ITGA9: variants seen among roughly 807,000 people sequenced by gnomAD.
ITGA9 encodes the protein integrin subunit alpha 9.
ITGA9 carries 56 observed loss-of-function variants against 127.8 expected under a neutral mutation model. That is an observed-to-expected ratio of 0.44 (90% CI 0.35 to 0.55). The LOEUF (loss-of-function observed/expected upper bound fraction) is 0.55, where lower values mean the gene tolerates loss of function less well. Ranked by LOEUF, ITGA9 falls within the 20% of genes least tolerant of loss-of-function variation. The pLI is 0.00. For synonymous variants in ITGA9, 508 were observed against 514.5 expected, an observed-to-expected ratio of 0.99 and a Z score of 0.17; for missense variants, 1,196 against 1,347.1, an observed-to-expected ratio of 0.89 and a Z score of 1.76.
chr3:37,587,928 C>T (rs921531161), intron 15 of ITGA9, among the ~76,000 whole-genome samples: 3 of 152,188 alleles, frequency 2.0e-5, no homozygotes, highest in Admixed American at 6.5e-5. Flanking sequence ...ACGTTAGCAT[C>T]CAGAGTGGCA....
At position 37,481,389 on chromosome 3, in the gene ITGA9, C is replaced by G. The variant is rs557904714; in HGVS notation, c.421-95C>G. On this transcript the variant is annotated intron_variant, in intron 3 of 27. Transcript: ENST00000264741. The stretch of plus-strand genomic sequence containing the variant: ...TTTCTGGTCCCTCTGCTCCTCTCTT[C>G]TCCCACAGAAAGAAACATCTGGCAC... 22 of 1,526,664 alleles carry G rather than the reference C, an allele frequency of 1.4e-5. No individual in the cohort carries two copies. The African/African-American group carries it at 2.9e-4, about 20-fold the overall frequency. 94.6% of individuals were successfully genotyped at this position (1,526,664 alleles called of 1,614,324 possible). A position where few individuals can be genotyped will look rare whatever the true frequency, so the allele number is the denominator to read the frequency against.
intron 8 of ITGA9, among the ~76,000 whole-genome samples, chr3:37,512,028 C>CT (rs1163367482): frequency 5.8e-4 from 14 of 24,270 alleles, no homozygotes; most frequent in Admixed American, 1.6e-3. Context: ...CTTTTCTTTT[C>CT]TTTCTTTCTT....
intron 1 of ITGA9, among the ~76,000 whole-genome samples, chr3:37,469,844 G>A (rs1559513866): frequency 6.6e-6 from 1 of 152,128 alleles, no homozygotes; most frequent in Admixed American, 6.5e-5. Context: ...TGCCCAGACT[G>A]GAGTGCAGTG....
chr3:37,678,319 A>G (rs576012435), intron 17 of ITGA9, among the ~76,000 whole-genome samples: 10 of 152,332 alleles, frequency 6.6e-5, no homozygotes, highest in African/African-American at 2.4e-4. Context: ...ATTTCTCCAC[A>G]TTCTTGACAA....
intron 15 of ITGA9, among the ~76,000 whole-genome samples, chr3:37,612,577 G>C (rs1476934485): frequency 1.3e-5 from 2 of 152,280 alleles, no homozygotes; most frequent in East Asian, 3.9e-4. Flanking sequence ...TCAGTTAGAG[G>C]TTAATAAAAA....
At chr3:37,734,538 G>A (rs986751620) in intron 19 of ITGA9, among the ~76,000 whole-genome samples, 9 of 152,196 alleles carry the variant, frequency 5.9e-5, no homozygotes, top group African/African-American at 1.9e-4. Context: ...CGCCCAGGCT[G>A]GAGTGCAGTG....
chr3:37,635,255 A>G (rs185303482), intron 16 of ITGA9, among the ~76,000 whole-genome samples: 50 of 152,340 alleles, frequency 3.3e-4, no homozygotes, highest in Admixed American at 3.0e-3. Flanking sequence ...ATGAACCATA[A>G]TAAAATTAGC....
rs1575252013 is a variant in ITGA9, at chr3:37,815,986, A to C, written c.3010-2905A>C. On this transcript the variant is annotated intron_variant, in intron 27 of 27. Transcript: ENST00000264741. ...TGTGGAAGCAGGGCAGGGTTCTGAG[A>C]AAGTAATTGGAAGTGTGCACAGCCC... Among the ~76,000 whole-genome samples the C allele has an allele frequency of 4.6e-5, 7 of 152,222 alleles. No individual in the cohort carries two copies. The South Asian group carries it at 8.3e-4, about 18-fold the overall frequency.
At chr3:37,666,609 G>C (rs920284711) in intron 17 of ITGA9, among the ~76,000 whole-genome samples, 3 of 152,180 alleles carry the variant, frequency 2.0e-5, no homozygotes, top group Admixed American at 1.3e-4. Flanking sequence ...TTACAGTGTG[G>C]CCAGGGCCCA....
chr3:37,471,693 C>T (rs1698432766), intron 2 of ITGA9, among the ~76,000 whole-genome samples: 1 of 152,138 alleles, frequency 6.6e-6, no homozygotes, highest in African/African-American at 2.4e-5. Flanking sequence ...AGTGGGGAGG[C>T]CACTGAAATC....
intron 17 of ITGA9, among the ~76,000 whole-genome samples, chr3:37,668,996 C>T (rs1317478128): frequency 2.6e-5 from 4 of 152,048 alleles, no homozygotes; most frequent in Non-Finnish European, 5.9e-5. Context: ...TCCAGAGCCA[C>T]GTGTGAGACT....
intron 23 of ITGA9, among the ~76,000 whole-genome samples, chr3:37,765,930 G>A (rs1696775084): frequency 6.6e-6 from 1 of 152,230 alleles, no homozygotes; most frequent in Non-Finnish European, 1.5e-5. Context: ...CAGCATGTAG[G>A]CTAGTTGAAT....
intron 17 of ITGA9, among the ~76,000 whole-genome samples, chr3:37,682,896 C>T (rs1348711924): frequency 6.6e-6 from 1 of 152,196 alleles, no homozygotes; most frequent in Admixed American, 6.5e-5. Flanking sequence ...CGTTCATCTT[C>T]TCACACCTGG....
At position 37,819,045 on chromosome 3, in the gene ITGA9, T is replaced by C. The variant is rs1697478766; in HGVS notation, c.*56T>C. On this transcript the variant is annotated 3_prime_UTR_variant, in exon 28 of 28. Coordinates refer to ENST00000264741, the MANE Select transcript of ITGA9 (RefSeq NM_002207.3). The stretch of plus-strand genomic sequence containing the variant: ...TAGCCTGTCATCCTTGGTCTTTGTA[T>C]CTTCCATATTTGGAAGAAAAAAATC... The C allele has an allele frequency of 1.6e-6, 2 of 1,270,248 alleles. No homozygotes were observed. Among genetic ancestry groups the C allele is most frequent in the East Asian group, 2.3e-5 (1 of 43,168 alleles). The allele number at this position is 1,270,248 out of a possible 1,614,324, so 78.7% of individuals were successfully genotyped here.
chr3:37,504,433 C>T (rs1051403374), intron 6 of ITGA9, among the ~76,000 whole-genome samples: 20 of 151,014 alleles, frequency 1.3e-4, no homozygotes, highest in African/African-American at 5.0e-4. Flanking sequence ...AGTCTAAATG[C>T]TGAGCTGCCT....
At chr3:37,563,454 G>A (rs1207566968) in intron 15 of ITGA9, among the ~76,000 whole-genome samples, 7 of 152,200 alleles carry the variant, frequency 4.6e-5, no homozygotes, top group Non-Finnish European at 5.9e-5. Context: ...TGGTTCGGCT[G>A]GCACTCAGCC....
chr3:37,619,944 C>G (rs889637930), intron 15 of ITGA9, among the ~76,000 whole-genome samples: 3 of 152,220 alleles, frequency 2.0e-5, no homozygotes, highest in Non-Finnish European at 4.4e-5. Flanking sequence ...GACACTTGCA[C>G]TCCAACCCAC....
chr3:37,559,512 G>A (rs1699465222), intron 15 of ITGA9, among the ~76,000 whole-genome samples: 1 of 152,170 alleles, frequency 6.6e-6, no homozygotes, highest in Admixed American at 6.5e-5. Context: ...AATCCACTGA[G>A]CTGGAATTTC....
At position 37,722,791 on chromosome 3, in the gene ITGA9, T is replaced by A. The variant is rs762203460; in HGVS notation, c.2068-9921T>A. ...GCTGCTATCAATATTTGTGTACACATTTTTGTGTGGGCTCATGTTTTTATT... is the reference window on the plus strand; with the variant it reads ...GCTGCTATCAATATTTGTGTACACAATTTTGTGTGGGCTCATGTTTTTATT... On this transcript the variant is annotated intron_variant, in intron 18 of 27. Transcript: ENST00000264741. Among the ~76,000 whole-genome samples, 129 of 152,378 alleles carry A rather than the reference T, an allele frequency of 8.5e-4. 1 individual carries two copies. In the Middle Eastern group the frequency reaches 0.014, roughly 16 times the overall value.
Sources: allele counts gnomAD v4.1 joint callset (sites outside exome capture counted in the v4.1 genomes callset), GRCh38; gene constraint gnomAD v4.1.1; transcripts MANE v1.5; gene names NCBI Gene and HGNC (gene_info 2026-07-23, HGNC 2026-07-21).